Variants in MAGOHB observed in about 807,000 individuals in gnomAD.
MAGOHB encodes the protein protein mago nashi homolog 2.
A neutral mutation model predicts 20.9 loss-of-function variants in MAGOHB; 15 were observed. That is an observed-to-expected ratio of 0.72 (90% confidence interval 0.48 to 1.11). The LOEUF (loss-of-function observed/expected upper bound fraction) is 1.11, where lower values mean the gene tolerates loss of function less well. Among genes scored for constraint, MAGOHB ranks in the 50% least tolerant of loss-of-function variants. The pLI, the probability that MAGOHB is intolerant of heterozygous loss-of-function variation, is 0.00. For synonymous variants in MAGOHB, 50 were observed against 57.9 expected, an observed-to-expected ratio of 0.86 and a Z score of 0.62; for missense variants, 162 against 177.6, an observed-to-expected ratio of 0.91 and a Z score of 0.50.
At chr12:10,608,761 CCTAG>C (rs1262622764) in intron 3 of MAGOHB, 13 of 152,082 alleles carry the variant, frequency 8.5e-5, no homozygotes. Context: ...TGAAGACAAT[CCTAG>C]CTATTTATTT....
rs1466565717 is a variant in MAGOHB at position 10,606,353 on chromosome 12, T to C, written c.369A>G (p.Val123=). The C allele has an allele frequency of 8.9e-6, 14 of 1,575,658 alleles. No homozygotes were observed. The highest frequency in any genetic ancestry group is 4.5e-5 in the East Asian group (2 of 43,964). The change falls in exon 5 of 5, where the codon GTA becomes GTG. Residue 123 remains valine, a synonymous_variant. Coordinates refer to ENST00000320756, the MANE Select transcript of MAGOHB (RefSeq NM_018048.5). Reference sequence around the variant, plus strand: ...TCAAGTCTTGTACCAAATAGTAAAATACTCGAAGGCCTTCAGGATCCCTAA... The same window carrying C: ...TCAAGTCTTGTACCAAATAGTAAAACACTCGAAGGCCTTCAGGATCCCTAA... ...NQSKDPEGLR[V]FYYLVQDLKC... is the part of the protein sequence containing the mutation.
intron 1 of MAGOHB, among the ~76,000 whole-genome samples, chr12:10,610,891 C>T (rs1865721657): frequency 6.6e-6 from 1 of 152,170 alleles, no homozygotes; most frequent in Non-Finnish European, 1.5e-5. Flanking sequence ...ATTTAAACAG[C>T]CCATGCCTAC....
chr12:10,600,426 A>C (rs887507165), downstream of MAGOHB, among the ~76,000 whole-genome samples: 6 of 151,898 alleles, frequency 4.0e-5, no homozygotes, highest in African/African-American at 1.5e-4. Context: ...CTTTTTAAGC[A>C]TAAAATTGTA....
At chr12:10,607,986 G>T (rs756255977) in intron 3 of MAGOHB, 50 bp from the exon 4 acceptor site, 1 of 1,145,774 alleles carries the variant, frequency 8.7e-7, no homozygotes, top group Non-Finnish European at 1.3e-6. Flanking sequence ...CTATCCCAGA[G>T]GTATCTGTAT....
downstream of MAGOHB, among the ~76,000 whole-genome samples, chr12:10,600,333 C>A (rs1865542459): frequency 6.6e-6 from 1 of 151,756 alleles, no homozygotes; most frequent in East Asian, 1.9e-4. Flanking sequence ...TTTAGGCAAT[C>A]CCCTACTATT....
downstream of MAGOHB, among the ~76,000 whole-genome samples, chr12:10,603,371 CCT>C (rs980912540): frequency 2.6e-5 from 4 of 151,750 alleles, no homozygotes; most frequent in African/African-American, 9.7e-5. Context: ...CCCTAATCAC[CCT>C]GTTTGTCTTT....
intron 1 of MAGOHB, among the ~76,000 whole-genome samples, chr12:10,613,154 G>T (rs1261100594): frequency 1.3e-5 from 2 of 152,148 alleles, no homozygotes; most frequent in African/African-American, 4.8e-5. Context: ...TTTCAAAAAA[G>T]TGCTAGCATT....
downstream of MAGOHB, among the ~76,000 whole-genome samples, chr12:10,600,615 T>TA (rs1238252934): frequency 1.3e-5 from 2 of 152,178 alleles, no homozygotes; most frequent in Non-Finnish European, 2.9e-5. Context: ...TCTCACTTCA[T>TA]AAAATCTATC....
rs1865693613 is a variant in MAGOHB, at chr12:10,609,929, T to C, written c.166A>G (p.Lys56Glu). 1.3e-6 allele frequency: 2 copies of C among 1,598,060 alleles called. No homozygotes were observed. Among genetic ancestry groups the C allele is most frequent in the African/African-American group, 2.7e-5 (2 of 74,276 alleles). ...VMIRKEAYVH[K>E]SVMEELKRII... ...CTCTTCAGTTCTTCCATTACACTCT[T>C]GTGCACATAAGCCTAAAAATTAATC... Residue 56 changes from lysine (K) to glutamate (E), a missense_variant, in exon 3 of 5, where the codon AAG becomes GAG. Lys to Glu is a moderately conservative substitution (Grantham distance 56, BLOSUM62 1). Coordinates refer to ENST00000320756, the MANE Select transcript of MAGOHB (RefSeq NM_018048.5).
chr12:10,609,035 T>A (rs1252222373), intron 3 of MAGOHB: 3 of 161,822 alleles, frequency 1.9e-5, no homozygotes, highest in Non-Finnish European at 2.7e-5. Flanking sequence ...TAAAACAAAC[T>A]GAGGCCTAAA....
At chr12:10,609,796 A>G (rs1456552928) in intron 3 of MAGOHB, 35 bp downstream of exon 3, 6 of 1,274,860 alleles carry the variant, frequency 4.7e-6, no homozygotes, top group Non-Finnish European at 6.8e-6. Flanking sequence ...TCAATTTTTA[A>G]TATTTATACA....
intron 1 of MAGOHB, 78 bp from the exon 2 acceptor site, chr12:10,610,758 T>A: frequency 7.5e-7 from 1 of 1,337,752 alleles, no homozygotes; most frequent in South Asian, 1.4e-5. Flanking sequence ...ATTTTGAAGG[T>A]AAAGACCATT....
At position 10,609,921 on chromosome 12, in the gene MAGOHB, T is replaced by G. The variant is rs755893338; in HGVS notation, c.174A>C (p.Val58=). 6.2e-7 allele frequency: 1 copy of G among 1,608,196 alleles called. No homozygotes were observed. Reference sequence around the variant, plus strand: ...CAATAATTCTCTTCAGTTCTTCCATTACACTCTTGTGCACATAAGCCTAAA... The same window carrying G: ...CAATAATTCTCTTCAGTTCTTCCATGACACTCTTGTGCACATAAGCCTAAA... ...IRKEAYVHKS[V]MEELKRIIDD... Residue 58 remains valine, a synonymous_variant, in exon 3 of 5, where the codon GTA becomes GTC. Coordinates refer to ENST00000320756, the MANE Select transcript of MAGOHB (RefSeq NM_018048.5).
chr12:10,603,845 TATTA>T (rs533409513), downstream of MAGOHB, among the ~76,000 whole-genome samples: 16 of 152,330 alleles, frequency 1.1e-4, no homozygotes, highest in South Asian at 3.1e-3. Context: ...GGAATCCAGT[TATTA>T]ATTAAAGGGG....
Position 10,606,339 on chromosome 12 carries a change from A to G in MAGOHB, c.383T>C (p.Val128Ala). Residue 128 changes from valine (V) to alanine (A), a missense_variant, in exon 5 of 5, where the codon GTA becomes GCA. Transcript: ENST00000320756. ...PEGLRVFYYL[V>A]QDLKCLVFSL... ...GAAAACTAAACATTTCAAGTCTTGT[A>G]CCAAATAGTAAAATACTCGAAGGCC... The G allele has an allele frequency of 6.3e-7, 1 of 1,581,900 alleles. No individual in the cohort carries two copies. Among genetic ancestry groups the G allele is most frequent in the Non-Finnish European group, 8.6e-7 (1 of 1,162,628 alleles).
rs957750834 is a variant in MAGOHB at position 10,604,455 on chromosome 12, C to T, written c.*1820G>A. 9 of 152,068 alleles carry T rather than the reference C, an allele frequency of 5.9e-5. No individual in the cohort carries two copies. Among genetic ancestry groups the T allele is most frequent in the Non-Finnish European group, 7.4e-5 (5 of 68,000 alleles). The allele number at this position is 152,068 out of a possible 1,614,324, so 9.4% of individuals were successfully genotyped here. A position where few individuals can be genotyped will look rare whatever the true frequency, so the allele number is the denominator to read the frequency against. ...GATAGTGGGGATAGAGCTAAATAAA[C>T]GAAAACGTAAGGAAGTTAGAGAACG... is the stretch of plus-strand genomic sequence containing the variant. On this transcript the variant is annotated 3_prime_UTR_variant, in exon 5 of 5. Transcript: ENST00000320756.
chr12:10,609,256 C>T, intron 3 of MAGOHB: 1 of 325,270 alleles, frequency 3.1e-6, no homozygotes. Flanking sequence ...AATGTTTCTT[C>T]CTTCCAGGGG....
chr12:10,607,448 T>C (rs1315888846), intron 4 of MAGOHB, among the ~76,000 whole-genome samples: 1 of 152,148 alleles, frequency 6.6e-6, no homozygotes, highest in Non-Finnish European at 1.5e-5. Context: ...AGCTAAAGCA[T>C]ACTTAGGCCA....
chr12:10,608,025 T>G (rs10845180), intron 3 of MAGOHB, 89 bp from the exon 4 acceptor site: 1 of 732,430 alleles, frequency 1.4e-6, no homozygotes, highest in African/African-American at 1.8e-5. Flanking sequence ...CCAATTTTAG[T>G]TGCAAGTTTT....
Sources: gnomAD v4.1 joint callset for allele counts (sites outside exome capture counted in the v4.1 genomes callset) on GRCh38, gnomAD v4.1.1 for gene constraint, MANE v1.5 for transcripts, NCBI Gene and HGNC (gene_info 2026-07-23, HGNC 2026-07-21) for gene names.